Variants in KCNIP4 observed in about 807,000 individuals in gnomAD.
The protein encoded by KCNIP4 is Kv channel-interacting protein 4.
Under a neutral mutation model 34.0 loss-of-function variants are expected in KCNIP4, and 12 were observed. The observed-to-expected ratio is 0.35, with a 90% CI of 0.23 to 0.57. The LOEUF is 0.57. KCNIP4 is among the 20% of genes least tolerant of loss of function. The pLI is 0.83. For synonymous variants in KCNIP4, 124 were observed against 102.2 expected (o/e 1.21, Z -1.29); for missense variants, 238 against 311.7 (o/e 0.76, Z 1.78).
chr4:21,493,305 G>C (rs1196192226), intron 1 of KCNIP4, among the ~76,000 whole-genome samples: 2 of 152,018 alleles, frequency 1.3e-5, no homozygotes, highest in East Asian at 3.9e-4. Context: ...AGTGCCATTA[G>C]GTGTGTTGTG....
intron 1 of KCNIP4, among the ~76,000 whole-genome samples, chr4:21,919,396 C>A (rs543159619): frequency 6.6e-6 from 1 of 152,106 alleles, no homozygotes; most frequent in Non-Finnish European, 1.5e-5. Flanking sequence ...GATGGTCACC[C>A]TCAAGGAGAG....
At chr4:21,939,845 T>A (rs988864844) in intron 1 of KCNIP4, among the ~76,000 whole-genome samples, 1 of 152,168 alleles carries the variant, frequency 6.6e-6, no homozygotes, top group Admixed American at 6.5e-5. Flanking sequence ...CTTTCACAAG[T>A]GCTTGAAATA....
chr4:20,731,997 A>ATTAC lies in KCNIP4; in HGVS notation c.705+5_705+8dup. 6.2e-7 allele frequency: 1 copy of ATTAC among 1,613,166 alleles called. No individual in the cohort carries two copies. On this transcript the variant is annotated intron_variant, in intron 8 of 8. Transcript: ENST00000382152. ...CTGAATTGATAGTTATTACACTTTC[A>ATTAC]TTACTTACTTTTTGGCAGCTTTCAA...
At chr4:21,092,708 G>A (rs1747107652) in intron 1 of KCNIP4, among the ~76,000 whole-genome samples, 1 of 152,156 alleles carries the variant, frequency 6.6e-6, no homozygotes, top group Admixed American at 6.5e-5. Flanking sequence ...AGTCCCAGAT[G>A]AGGGGCAGGG....
At chr4:21,055,704 G>A (rs1743341096) in intron 1 of KCNIP4, among the ~76,000 whole-genome samples, 1 of 152,162 alleles carries the variant, frequency 6.6e-6, no homozygotes, top group Non-Finnish European at 1.5e-5. Context: ...GTTGCATACT[G>A]TGTGCTTCCA....
intron 1 of KCNIP4, among the ~76,000 whole-genome samples, chr4:21,880,574 A>T (rs191219041): frequency 3.7e-4 from 57 of 152,274 alleles, no homozygotes; most frequent in Admixed American, 2.0e-3. Flanking sequence ...GGTCATTGTT[A>T]TACAGGTTGA....
intron 1 of KCNIP4, among the ~76,000 whole-genome samples, chr4:21,789,508 G>GT (rs1720135163): frequency 6.6e-6 from 1 of 152,154 alleles, no homozygotes; most frequent in Admixed American, 6.5e-5. Context: ...TTCACAAAAA[G>GT]TAAGTACTTC....
In KCNIP4 at chr4:21,531,119, T is replaced by G. The variant is rs543985141; in HGVS notation, c.61+417452A>C. On this transcript the variant is annotated intron_variant, in intron 1 of 8. Coordinates refer to ENST00000382152, the MANE Select transcript of KCNIP4 (RefSeq NM_025221.6). ...TTGCAGAAGGAAAAGCCTGGCTATT[T>G]GGTTTTTAGGGAGTCAGGAGCACTA... Among the ~76,000 whole-genome samples the G allele has an allele frequency of 5.0e-4, 76 of 152,304 alleles. 1 individual carries two copies. The highest frequency in any genetic ancestry group is 1.7e-3 in the African/African-American group (71 of 41,548).
intron 1 of KCNIP4, among the ~76,000 whole-genome samples, chr4:21,669,842 A>G (rs1172064309): frequency 1.3e-5 from 2 of 152,210 alleles, no homozygotes; most frequent in Admixed American, 1.3e-4. Context: ...GGGGTGAAAT[A>G]TATGTCCCCT....
intron 2 of KCNIP4, among the ~76,000 whole-genome samples, chr4:20,857,807 T>G (rs1488839497): frequency 1.3e-5 from 2 of 152,170 alleles, no homozygotes; most frequent in East Asian, 1.9e-4. Flanking sequence ...CTCTCCTTAA[T>G]CTACTGCAGT....
chr4:21,032,584 C>A (rs1741117552), intron 1 of KCNIP4, among the ~76,000 whole-genome samples: 1 of 151,946 alleles, frequency 6.6e-6, no homozygotes, highest in African/African-American at 2.4e-5. Flanking sequence ...TTTAGAGAGC[C>A]CAGAAAGTCC....
intron 1 of KCNIP4, among the ~76,000 whole-genome samples, chr4:21,259,355 T>C (rs921083025): frequency 6.6e-5 from 10 of 152,210 alleles, no homozygotes; most frequent in African/African-American, 2.2e-4. Flanking sequence ...TCATGCTCCA[T>C]TGGGTCACAT....
At chr4:21,947,827 C>T (rs35494764) in intron 1 of KCNIP4, among the ~76,000 whole-genome samples, 39,579 of 152,130 alleles carry the variant, frequency 0.26, 5,998 homozygotes, top group South Asian at 0.35. Flanking sequence ...AATAACAAAT[C>T]GATGCAACCC....
chr4:21,300,235 C>T (rs1054299832), intron 1 of KCNIP4, among the ~76,000 whole-genome samples: 1 of 152,058 alleles, frequency 6.6e-6, no homozygotes, highest in African/African-American at 2.4e-5. Flanking sequence ...AATTTTGATT[C>T]AATTTCTCCC....
intron 1 of KCNIP4, among the ~76,000 whole-genome samples, chr4:20,958,127 T>C (rs1406833997): frequency 6.6e-6 from 1 of 152,188 alleles, no homozygotes; most frequent in Non-Finnish European, 1.5e-5. Context: ...CCTTCCTCAA[T>C]AAGCATTCAT....
intron 1 of KCNIP4, among the ~76,000 whole-genome samples, chr4:21,770,144 GGT>G (rs1230724463): frequency 6.6e-6 from 1 of 151,922 alleles, no homozygotes; most frequent in African/African-American, 2.4e-5. Context: ...AACAGACCCT[GGT>G]GTGTGTTGTT....
At chr4:21,404,510 T>C (rs1560373015) in intron 1 of KCNIP4, among the ~76,000 whole-genome samples, 1 of 152,166 alleles carries the variant, frequency 6.6e-6, no homozygotes, top group Non-Finnish European at 1.5e-5. Flanking sequence ...GTATTTTTTC[T>C]ATTCCCAAGT....
At chr4:21,923,620 T>A (rs1364142790) in intron 1 of KCNIP4, among the ~76,000 whole-genome samples, 1 of 151,930 alleles carries the variant, frequency 6.6e-6, no homozygotes, top group Non-Finnish European at 1.5e-5. Flanking sequence ...CCTTCTTGCT[T>A]CTAATATTCA....
chr4:20,741,210 A>C (rs1258270500), intron 5 of KCNIP4, among the ~76,000 whole-genome samples: 2 of 152,224 alleles, frequency 1.3e-5, no homozygotes, highest in East Asian at 3.9e-4. Context: ...TCAGCTCTGC[A>C]GCAAGCGGAC....
Sources: allele counts gnomAD v4.1 joint callset (sites outside exome capture counted in the v4.1 genomes callset), GRCh38; gene constraint gnomAD v4.1.1; transcripts MANE v1.5; gene names NCBI Gene and HGNC (gene_info 2026-07-23, HGNC 2026-07-21).